Variants in C5orf24 observed in about 807,000 individuals in gnomAD.
The protein encoded by C5orf24 is chromosome 5 open reading frame 24.
C5orf24 carries 4 observed loss-of-function variants against 9.8 expected under a neutral mutation model. That is an observed-to-expected ratio of 0.41 (90% CI 0.20 to 0.93). The LOEUF (loss-of-function observed/expected upper bound fraction) is 0.93. C5orf24 is among the 40% of genes least tolerant of loss of function. C5orf24 has a pLI of 0.33. For synonymous variants in C5orf24, 73 were observed against 81.3 expected (o/e 0.90, Z 0.55); for missense variants, 170 against 236.9 (o/e 0.72, Z 1.85).
At chr5:134,852,587 G>T (rs1032582619) in intron 1 of C5orf24, among the ~76,000 whole-genome samples, 35 of 152,102 alleles carry the variant, frequency 2.3e-4, no homozygotes, top group Admixed American at 9.2e-4. Context: ...TGAGGTTTTG[G>T]TGCACTCTCA....
In C5orf24 at chr5:134,851,085, T is replaced by C. The variant is rs77736739; in HGVS notation, c.-3-3813T>C. 1.5e-4 allele frequency among the ~76,000 whole-genome samples: 22 copies of C among 151,622 alleles called. No individual in the cohort carries two copies. The East Asian group carries it at 1.7e-3, about 12-fold the overall frequency. On this transcript the variant is annotated intron_variant, in intron 1 of 1. Coordinates refer to ENST00000394976, the MANE Select transcript of C5orf24 (RefSeq NM_001135586.1). ...GAACTTTTTTTTTTCCCCCACAAAA[T>C]TTTTGTAAATTTTTGTATTTTTAGT...
chr5:134,853,366 A>AG (rs1490777024), intron 1 of C5orf24, among the ~76,000 whole-genome samples: 1 of 150,640 alleles, frequency 6.6e-6, no homozygotes, highest in African/African-American at 2.4e-5. Flanking sequence ...CACCTAAAAA[A>AG]AAAAAAAAAA....
At chr5:134,853,205 T>TA (rs1465193938) in intron 1 of C5orf24, among the ~76,000 whole-genome samples, 2 of 140,640 alleles carry the variant, frequency 1.4e-5, no homozygotes, top group African/African-American at 5.3e-5. Context: ...AAAATAAAAA[T>TA]AAAAAATTAG....
chr5:134,835,886 G>C, the C5orf24 span, among the ~76,000 whole-genome samples: 1 of 151,680 alleles, frequency 6.6e-6, no homozygotes, highest in South Asian at 2.1e-4. Context: ...TTTTGTAGCA[G>C]TGGGGTCTCG....
chr5:134,836,268 G>A, the C5orf24 span, among the ~76,000 whole-genome samples: 17 of 140,878 alleles, frequency 1.2e-4, no homozygotes, highest in Non-Finnish European at 1.8e-4. Flanking sequence ...TCCGCCTCCC[G>A]GATTCTAGTG....
At chr5:134,849,266 G>A (rs1390288426) in intron 1 of C5orf24, among the ~76,000 whole-genome samples, 2 of 151,628 alleles carry the variant, frequency 1.3e-5, no homozygotes, top group Non-Finnish European at 2.9e-5. Flanking sequence ...AAAAAAAAAA[G>A]GGAGTGTTTC....
At position 134,855,618 on chromosome 5, in the gene C5orf24, G is replaced by T. The variant is rs1417518322; in HGVS notation, c.*151G>T. 8.8e-6 allele frequency: 13 copies of T among 1,480,134 alleles called. No individual in the cohort carries two copies. Among genetic ancestry groups the T allele is most frequent in the Non-Finnish European group, 1.1e-5 (12 of 1,121,066 alleles). The allele number at this position is 1,480,134 out of a possible 1,614,324, so 91.7% of individuals were successfully genotyped here. ...TTTTTCCTGCTTTTGCTCAAAAACT[G>T]CCATATGCTGACAGATGCACTCAGG... is the stretch of plus-strand genomic sequence containing the variant. On this transcript the variant is annotated 3_prime_UTR_variant, in exon 2 of 2. Transcript: ENST00000394976.
chr5:134,834,331 T>TG, the C5orf24 span, among the ~76,000 whole-genome samples: 1 of 152,200 alleles, frequency 6.6e-6, no homozygotes, highest in Admixed American at 6.5e-5. Flanking sequence ...AGAGTGTCCT[T>TG]GGCCTTTATC....
At chr5:134,850,937 T>TATACACACACACAC (rs762710710) in intron 1 of C5orf24, among the ~76,000 whole-genome samples, 1 of 146,992 alleles carries the variant, frequency 6.8e-6, no homozygotes, top group African/African-American at 2.5e-5. Flanking sequence ...TATATATATA[T>TATACACACACACAC]ACACACACAC....
chr5:134,839,177 G>C, the C5orf24 span, among the ~76,000 whole-genome samples: 1 of 151,118 alleles, frequency 6.6e-6, no homozygotes, highest in African/African-American at 2.4e-5. Context: ...ATTCCAGCCT[G>C]GCAACAGAGC....
the C5orf24 span, among the ~76,000 whole-genome samples, chr5:134,834,836 G>A: frequency 6.6e-6 from 1 of 151,940 alleles, no homozygotes; most frequent in Non-Finnish European, 1.5e-5. Flanking sequence ...CACAAGGTTA[G>A]GAGTTCGAGA....
the C5orf24 span, among the ~76,000 whole-genome samples, chr5:134,840,488 C>G: frequency 4.6e-4 from 70 of 152,038 alleles, no homozygotes; most frequent in East Asian, 0.013. Flanking sequence ...GGTCCTCCCT[C>G]CTTAGCCTCT....
At chr5:134,852,521 G>T (rs931886587) in intron 1 of C5orf24, among the ~76,000 whole-genome samples, 7 of 152,132 alleles carry the variant, frequency 4.6e-5, no homozygotes, top group African/African-American at 1.7e-4. Context: ...GTTTACAGTG[G>T]TTTTCGCTAA....
chr5:134,852,885 TC>T (rs1756195721), intron 1 of C5orf24, among the ~76,000 whole-genome samples: 1 of 149,656 alleles, frequency 6.7e-6, no homozygotes, highest in East Asian at 2.0e-4. Flanking sequence ...AAAAATACAG[TC>T]CGGGCACGGT....
At chr5:134,839,250 C>G in the C5orf24 span, among the ~76,000 whole-genome samples, 2 of 151,898 alleles carry the variant, frequency 1.3e-5, no homozygotes, top group East Asian at 3.9e-4. Flanking sequence ...AACATCAGAC[C>G]CACCATTCTT....
chr5:134,843,910 G>C (rs1755936023), upstream of C5orf24, among the ~76,000 whole-genome samples: 2 of 152,178 alleles, frequency 1.3e-5, no homozygotes, highest in Admixed American at 6.5e-5. Context: ...GCTCTACAAG[G>C]AAGACATTGT....
the C5orf24 span, among the ~76,000 whole-genome samples, chr5:134,837,485 A>G: frequency 6.6e-6 from 1 of 152,142 alleles, no homozygotes; most frequent in Admixed American, 6.6e-5. Flanking sequence ...TCTCTGCTAT[A>G]CACTGAATGT....
At position 134,856,419 on chromosome 5, in the gene C5orf24, T is replaced by C. The variant is rs1283496844; in HGVS notation, c.*952T>C. The C allele has an allele frequency of 1.7e-6, 1 of 583,690 alleles. No individual in the cohort carries two copies. The highest frequency in any genetic ancestry group is 2.2e-6 in the Non-Finnish European group (1 of 450,586). The allele number at this position is 583,690 out of a possible 1,614,324, so 36.2% of individuals were successfully genotyped here. On this transcript the variant is annotated 3_prime_UTR_variant, in exon 2 of 2. Transcript: ENST00000394976. The stretch of plus-strand genomic sequence containing the variant: ...ACTTTGGGAGGCCGAGGCAGGCGGA[T>C]CACTTGAGGTCAGCAGTTCAAGACT...
intron 1 of C5orf24, among the ~76,000 whole-genome samples, chr5:134,848,735 C>T (rs947609675): frequency 1.4e-5 from 2 of 145,648 alleles, no homozygotes; most frequent in Admixed American, 6.9e-5. Context: ...CTGTGGCAGG[C>T]GGATCACCTG....
Sources: gnomAD v4.1 joint callset for allele counts (sites outside exome capture counted in the v4.1 genomes callset) on GRCh38, gnomAD v4.1.1 for gene constraint, MANE v1.5 for transcripts, NCBI Gene and HGNC (gene_info 2026-07-23, HGNC 2026-07-21) for gene names.